The following NEMP2 variants were observed in gnomAD, a reference collection of about 807,000 sequenced individuals.
NEMP2 encodes UPF0571 transmembrane protein.
Under a neutral mutation model 54.2 loss-of-function variants are expected in NEMP2, and 53 were observed. The observed-to-expected ratio is 0.98, with a 90% confidence interval of 0.78 to 1.23. The LOEUF is 1.23. Among genes scored for constraint, NEMP2 ranks in the 50% most tolerant of loss-of-function variants. NEMP2 has a pLI of 0.00. For synonymous variants in NEMP2, 197 were observed against 190.3 expected (o/e 1.04, Z -0.29); for missense variants, 455 against 511.3 (o/e 0.89, Z 1.06).
chr2:190,601,414 C>T, the NEMP2 span, among the ~76,000 whole-genome samples: 1 of 152,054 alleles, frequency 6.6e-6, no homozygotes, highest in East Asian at 1.9e-4. The surrounding 1 kb of genome is among the most constrained non-coding windows in gnomAD (Gnocchi z 5.8). Context: ...TATGGCCACC[C>T]TAGGAAACTA....
the NEMP2 span, among the ~76,000 whole-genome samples, chr2:190,629,039 GA>G: frequency 2.0e-5 from 3 of 152,174 alleles, no homozygotes; most frequent in Non-Finnish European, 4.4e-5. Context: ...TCCAAATAGT[GA>G]AAGCTATGTT....
chr2:190,579,460 G>GTA, the NEMP2 span, among the ~76,000 whole-genome samples: 1 of 152,010 alleles, frequency 6.6e-6, no homozygotes, highest in Admixed American at 6.6e-5. Flanking sequence ...GCAAATAACA[G>GTA]TATACTTAAG....
the NEMP2 span, among the ~76,000 whole-genome samples, chr2:190,579,233 A>G: frequency 6.6e-6 from 1 of 151,924 alleles, no homozygotes; most frequent in Non-Finnish European, 1.5e-5. Flanking sequence ...CAGCTAGATA[A>G]GGAAATATAG....
chr2:190,631,382 C>T, the NEMP2 span, among the ~76,000 whole-genome samples: 1 of 152,128 alleles, frequency 6.6e-6, no homozygotes, highest in African/African-American at 2.4e-5. Context: ...TACAGCAAAG[C>T]CCTTTTGGTC....
At chr2:190,495,596 T>A in the NEMP2 span, among the ~76,000 whole-genome samples, 1 of 152,124 alleles carries the variant, frequency 6.6e-6, no homozygotes, top group Non-Finnish European at 1.5e-5. This position sits in a 1 kb window ranked among gnomAD's most constrained non-coding sequence, Gnocchi z 4.7. Context: ...GATTTCAAAC[T>A]ATACTATAAG....
downstream of NEMP2, chr2:190,500,104 A>G: frequency 6.2e-7 from 1 of 1,614,186 alleles, no homozygotes; most frequent in Non-Finnish European, 8.5e-7. This position sits in a 1 kb window ranked among gnomAD's most constrained non-coding sequence, Gnocchi z 5.3. Context: ...GAAACCAGCC[A>G]TCCCCTGACG....
the NEMP2 span, among the ~76,000 whole-genome samples, chr2:190,548,365 C>G: frequency 6.7e-3 from 1,026 of 152,292 alleles, 3 homozygotes; most frequent in Non-Finnish European, 9.8e-3. Context: ...CCCTGAGTTT[C>G]AAAGGGCCAG....
rs1450444183 is a variant in NEMP2, at chr2:190,529,885, G to C, written c.98-4507C>G. ...CATTTACAGAACTGACAAAGCATGA[G>C]GGCCAGTCTGGAAGCCACAGGCTGC... On this transcript the variant is annotated intron_variant, in intron 1 of 8. Coordinates refer to ENST00000409150, the MANE Select transcript of NEMP2 (RefSeq NM_001142645.2). This position sits in a 1 kb window ranked among gnomAD's most constrained non-coding sequence, Gnocchi z 4.7. 6.6e-6 allele frequency among the ~76,000 whole-genome samples: 1 copy of C among 152,160 alleles called. No individual in the cohort carries two copies. The highest frequency in any genetic ancestry group is 1.5e-5 in the Non-Finnish European group (1 of 68,030).
chr2:190,428,291 C>T, the NEMP2 span, among the ~76,000 whole-genome samples: 4 of 152,194 alleles, frequency 2.6e-5, no homozygotes, highest in Non-Finnish European at 5.9e-5. Flanking sequence ...AATTATTCTG[C>T]AGTGAACATG....
At chr2:190,483,701 G>A in the NEMP2 span, among the ~76,000 whole-genome samples, 1 of 151,938 alleles carries the variant, frequency 6.6e-6, no homozygotes, top group Non-Finnish European at 1.5e-5. Flanking sequence ...TGGGCGTGGT[G>A]GCACACACCT....
At chr2:190,548,791 C>T in the NEMP2 span, among the ~76,000 whole-genome samples, 2 of 152,218 alleles carry the variant, frequency 1.3e-5, no homozygotes, top group Admixed American at 1.3e-4. Context: ...ATACAGCAGA[C>T]ATGCTGGTAG....
At chr2:190,439,404 A>G in the NEMP2 span, among the ~76,000 whole-genome samples, 2 of 152,046 alleles carry the variant, frequency 1.3e-5, no homozygotes, top group Non-Finnish European at 2.9e-5. This position sits in a 1 kb window ranked among gnomAD's most constrained non-coding sequence, Gnocchi z 5.8. Flanking sequence ...GTTTTAGGGT[A>G]CACGTGCACA....
chr2:190,635,140 A>C, the NEMP2 span, among the ~76,000 whole-genome samples: 1 of 152,208 alleles, frequency 6.6e-6, no homozygotes, highest in Non-Finnish European at 1.5e-5. The surrounding 1 kb of genome is among the most constrained non-coding windows in gnomAD (Gnocchi z 4.1). Flanking sequence ...TTGCAGCAAC[A>C]ATGGTTGTTG....
At chr2:190,498,782 C>A in the NEMP2 span, among the ~76,000 whole-genome samples, 3 of 152,124 alleles carry the variant, frequency 2.0e-5, no homozygotes, top group Non-Finnish European at 4.4e-5. This position sits in a 1 kb window ranked among gnomAD's most constrained non-coding sequence, Gnocchi z 5.9. Context: ...ACTTTGTGTA[C>A]TCATCCTCAT....
the NEMP2 span, among the ~76,000 whole-genome samples, chr2:190,494,121 A>G: frequency 1.3e-5 from 2 of 152,148 alleles, no homozygotes; most frequent in African/African-American, 4.8e-5. This position sits in a 1 kb window ranked among gnomAD's most constrained non-coding sequence, Gnocchi z 5.7. Context: ...AGATTAACCA[A>G]GAAAAGAAAA....
At chr2:190,430,624 A>G in the NEMP2 span, among the ~76,000 whole-genome samples, 689 of 139,338 alleles carry the variant, frequency 4.9e-3, no homozygotes, top group Non-Finnish European at 6.3e-3. Flanking sequence ...CAGACACAGC[A>G]ACCATCCGAT....
At chr2:190,572,835 A>G in the NEMP2 span, among the ~76,000 whole-genome samples, 110 of 17,282 alleles carry the variant, frequency 6.4e-3, 1 homozygote, top group African/African-American at 0.015. Flanking sequence ...TTTCATGAGT[A>G]TATATATATA....
At chr2:190,577,383 A>G in the NEMP2 span, among the ~76,000 whole-genome samples, 1 of 152,132 alleles carries the variant, frequency 6.6e-6, no homozygotes, top group Non-Finnish European at 1.5e-5. The surrounding 1 kb of genome is among the most constrained non-coding windows in gnomAD (Gnocchi z 4.8). Flanking sequence ...GTCCAGTGCA[A>G]TGTCATAGAT....
the NEMP2 span, among the ~76,000 whole-genome samples, chr2:190,634,181 AATAAT>A: frequency 6.6e-6 from 1 of 152,180 alleles, no homozygotes; most frequent in African/African-American, 2.4e-5. This position sits in a 1 kb window ranked among gnomAD's most constrained non-coding sequence, Gnocchi z 6.8. Context: ...AATTATAAAT[AATAAT>A]ATAATAAACA....
Sources: gnomAD v4.1 joint callset for allele counts (sites outside exome capture counted in the v4.1 genomes callset) on GRCh38, gnomAD v4.1.1 for gene constraint, Gnocchi (gnomAD v3.1) non-coding constraint, MANE v1.5 for transcripts, NCBI Gene and HGNC (gene_info 2026-07-23, HGNC 2026-07-21) for gene names.